HEXB: variants seen among roughly 807,000 people sequenced by gnomAD.
HEXB encodes the protein beta-hexosaminidase subunit beta.
Under a neutral mutation model 71.2 loss-of-function variants are expected in HEXB, and 51 were observed. The observed-to-expected ratio is 0.72, with a 90% CI of 0.57 to 0.90. The LOEUF (loss-of-function observed/expected upper bound fraction) is 0.90, where lower values mean the gene tolerates loss of function less well. Ranked by LOEUF, HEXB falls within the 40% of genes least tolerant of loss-of-function variation. The pLI, the probability that HEXB is intolerant of heterozygous loss-of-function variation, is 0.00. For synonymous variants in HEXB, 266 were observed against 249.3 expected, an observed-to-expected ratio of 1.07 and a Z score of -0.63; for missense variants, 617 against 677.0, an observed-to-expected ratio of 0.91 and a Z score of 0.98.
intron 6 of HEXB, among the ~76,000 whole-genome samples, chr5:74,706,857 C>T (rs1161210103): frequency 6.6e-6 from 1 of 152,200 alleles, no homozygotes; most frequent in Non-Finnish European, 1.5e-5. Flanking sequence ...TAGGCTCCAC[C>T]TCTGGGGGCA....
At chr5:74,693,793 C>T (rs1749053507) in intron 3 of HEXB, 89 bp downstream of exon 3, 12 of 889,776 alleles carry the variant, frequency 1.3e-5, no homozygotes, top group East Asian at 2.4e-5. Context: ...AAAACTTTGC[C>T]GCCTTAGATC....
intron 1 of HEXB, among the ~76,000 whole-genome samples, chr5:74,651,835 G>T (rs545360607): frequency 2.0e-5 from 3 of 152,252 alleles, no homozygotes; most frequent in South Asian, 2.1e-4. Flanking sequence ...GTGATTAATT[G>T]GTCTGTATGC....
In HEXB at chr5:74,721,200, GCAATCTGTACTACAAT is replaced by G; in HGVS notation, c.*29_*44del. On this transcript the variant is annotated 3_prime_UTR_variant, in exon 14 of 14. Coordinates refer to ENST00000261416, the MANE Select transcript of HEXB (RefSeq NM_000521.4). ...AAAAATGGAGGGGAAAAAGGCCACA[GCAATCTGTACTACAAT>G]CAACTTTATTTTGAAATCATGTAAA... is the stretch of plus-strand genomic sequence containing the variant. 1.9e-6 allele frequency: 3 copies of G among 1,555,118 alleles called. No homozygotes were observed. The highest frequency in any genetic ancestry group is 2.7e-6 in the Non-Finnish European group (3 of 1,126,296).
chr5:74,654,562 G>C (rs773060426), intron 1 of HEXB, among the ~76,000 whole-genome samples: 2 of 152,148 alleles, frequency 1.3e-5, no homozygotes, highest in Non-Finnish European at 2.9e-5. Flanking sequence ...ATACAGTGTA[G>C]AAAAATGAGA....
chr5:74,686,280 A>G (rs1259725320), intron 1 of HEXB, among the ~76,000 whole-genome samples: 1 of 152,174 alleles, frequency 6.6e-6, no homozygotes, highest in Non-Finnish European at 1.5e-5. Context: ...CATGGGAGTC[A>G]GCCAATCACA....
intron 1 of HEXB, among the ~76,000 whole-genome samples, chr5:74,656,801 G>A (rs372364376): frequency 6.6e-4 from 101 of 152,124 alleles, no homozygotes; most frequent in African/African-American, 2.2e-3. Flanking sequence ...TAGTGGAGAC[G>A]GGGTTTCACC....
intron 6 of HEXB, among the ~76,000 whole-genome samples, chr5:74,711,484 C>G (rs186945126): frequency 2.0e-5 from 3 of 152,168 alleles, no homozygotes; most frequent in African/African-American, 4.8e-5. Flanking sequence ...AAACTACCAT[C>G]AGAGTGAACA....
intron 1 of HEXB, among the ~76,000 whole-genome samples, chr5:74,642,628 G>T (rs564463581): frequency 6.6e-6 from 1 of 152,026 alleles, no homozygotes; most frequent in South Asian, 2.1e-4. Context: ...ACCTAAAACG[G>T]CACCTAGATG....
chr5:74,644,841 G>A (rs1264365609), intron 1 of HEXB, among the ~76,000 whole-genome samples: 2 of 118,942 alleles, frequency 1.7e-5, no homozygotes, highest in Non-Finnish European at 3.2e-5. Context: ...GCGCAATCTC[G>A]GCTCACTACA....
In HEXB at chr5:74,713,419, A is replaced by G. The variant is rs1412202182; in HGVS notation, c.772-87A>G. 4.6e-6 allele frequency: 6 copies of G among 1,308,218 alleles called. 1 individual carries two copies. Among genetic ancestry groups the G allele is most frequent in the Non-Finnish European group, 6.6e-6 (6 of 905,200 alleles). 81.0% of individuals were successfully genotyped at this position (1,308,218 alleles called of 1,614,324 possible). ...GTCATAGTGAAAAAATTAGCTGTCAAATATCAAATGCAAGCACAATTGTTA... is the reference window on the plus strand; with the variant it reads ...GTCATAGTGAAAAAATTAGCTGTCAGATATCAAATGCAAGCACAATTGTTA... On this transcript the variant is annotated intron_variant, in intron 6 of 13. Transcript: ENST00000261416.
intron 4 of HEXB, 115 bp from the exon 5 acceptor site, chr5:74,696,881 T>G: frequency 1.3e-6 from 1 of 770,484 alleles, no homozygotes; most frequent in Non-Finnish European, 2.2e-6. Flanking sequence ...TTTCATACAT[T>G]TTTGTTGTTC....
At position 74,652,514 on chromosome 5, in the gene HEXB, A is replaced by G. The variant is rs1467269205; in HGVS notation, c.-377+11956A>G. On this transcript the variant is annotated intron_variant, in intron 1 of 13. Transcript: ENST00000511181. The surrounding 1 kb of genome is among the most constrained non-coding windows in gnomAD (Gnocchi z 5.4). ...ATTTTTTACATTCAAAAGAGTCCTC[A>G]TAGTTGGGTATAGTTAGGACAAACA... 1.3e-5 allele frequency among the ~76,000 whole-genome samples: 2 copies of G among 152,246 alleles called. No homozygotes were observed. Among genetic ancestry groups the G allele is most frequent in the Non-Finnish European group, 2.9e-5 (2 of 68,044 alleles).
intron 1 of HEXB, among the ~76,000 whole-genome samples, chr5:74,671,682 T>C (rs940196183): frequency 4.6e-5 from 7 of 152,218 alleles, no homozygotes; most frequent in African/African-American, 1.7e-4. Flanking sequence ...AGGCAATTTA[T>C]TGTATGTCAA....
chr5:74,701,050 A>AT (rs1192368441), intron 5 of HEXB, among the ~76,000 whole-genome samples: 2,897 of 137,218 alleles, frequency 0.021, 74 homozygotes, highest in African/African-American at 0.068. Context: ...CCCTGCTAAC[A>AT]TTTTTTTTTT....
intron 1 of HEXB, among the ~76,000 whole-genome samples, chr5:74,673,401 C>A (rs897669038): frequency 2.6e-5 from 4 of 152,204 alleles, no homozygotes; most frequent in Non-Finnish European, 5.9e-5. Flanking sequence ...GGAGCTCCGT[C>A]CCTGCCACAG....
intron 6 of HEXB, among the ~76,000 whole-genome samples, chr5:74,708,126 G>T (rs1469060639): frequency 2.0e-5 from 3 of 151,922 alleles, no homozygotes; most frequent in Admixed American, 6.6e-5. Flanking sequence ...AGACAGTGGG[G>T]GCCAATATTC....
At chr5:74,701,372 A>T (rs1313260646) in intron 5 of HEXB, among the ~76,000 whole-genome samples, 1 of 152,162 alleles carries the variant, frequency 6.6e-6, no homozygotes, top group Non-Finnish European at 1.5e-5. Context: ...ACTTTAGTGT[A>T]TCAAACCTAT....
intron 1 of HEXB, among the ~76,000 whole-genome samples, chr5:74,686,998 A>G (rs1233200987): frequency 6.6e-6 from 1 of 152,254 alleles, no homozygotes; most frequent in Non-Finnish European, 1.5e-5. Context: ...ATGTAAGTTA[A>G]CAATAGGTAG....
In HEXB at chr5:74,716,648, A is replaced by T. The variant is rs1306678448; in HGVS notation, c.1144A>T (p.Lys382Ter). 1.2e-6 allele frequency: 2 copies of T among 1,606,496 alleles called. No individual in the cohort carries two copies. The highest frequency in any genetic ancestry group is 1.7e-6 in the Non-Finnish European group (2 of 1,175,134). ...AAAAGGCTTTGGCACAGATTTTAAG[A>T]AACTAGAATCTTTCTACATTCAAAA... ...RQKGFGTDFK[K>*]LESFYIQKVL... The change falls in exon 9 of 14, where the codon AAA (lysine) becomes TAA (stop). Residue 382 changes from lysine to a stop codon, truncating the protein, a stop_gained. Coordinates refer to ENST00000261416, the MANE Select transcript of HEXB (RefSeq NM_000521.4). LOFTEE classifies it high-confidence loss of function.
Sources: allele counts gnomAD v4.1 joint callset (sites outside exome capture counted in the v4.1 genomes callset), GRCh38; gene constraint gnomAD v4.1.1; non-coding constraint Gnocchi (gnomAD v3.1); transcripts MANE v1.5; gene names NCBI Gene and HGNC (gene_info 2026-07-23, HGNC 2026-07-21).